HHAT: variants seen among roughly 807,000 people sequenced by gnomAD.
The protein encoded by HHAT is hedgehog acyltransferase.
A neutral mutation model predicts 70.8 loss-of-function variants in HHAT; 47 were observed. The ratio of observed to expected loss-of-function variants is 0.66; its 90% CI spans 0.53 to 0.85. The LOEUF (loss-of-function observed/expected upper bound fraction) is 0.85. HHAT is among the 40% of genes least tolerant of loss of function. The probability of loss-of-function intolerance (pLI) is 0.00; values close to 1 mark genes in which losing one functional copy is unlikely to be tolerated. For missense variants in HHAT, 609 were observed against 604.8 expected, an observed-to-expected ratio of 1.01 and a Z score of -0.07; for synonymous variants, 228 against 247.6, an observed-to-expected ratio of 0.92 and a Z score of 0.74.
chr1:210,420,769 C>G (rs2092879007), intron 7 of HHAT, among the ~76,000 whole-genome samples: 1 of 151,718 alleles, frequency 6.6e-6, no homozygotes, highest in African/African-American at 2.4e-5. Context: ...CAAAGCCATA[C>G]TTTACCTTGA....
intron 3 of HHAT, among the ~76,000 whole-genome samples, chr1:210,367,393 G>A (rs565266985): frequency 6.6e-6 from 1 of 152,286 alleles, no homozygotes; most frequent in South Asian, 2.1e-4. Flanking sequence ...CGTGCCTCTA[G>A]ATAGCCATGT....
At chr1:210,343,479 G>A (rs990724525) in intron 1 of HHAT, among the ~76,000 whole-genome samples, 18 of 152,196 alleles carry the variant, frequency 1.2e-4, no homozygotes, top group Admixed American at 1.2e-3. Flanking sequence ...CTACAGGCAA[G>A]AGTTGAAAAG....
At chr1:210,531,567 T>C (rs1441019831) in intron 9 of HHAT, among the ~76,000 whole-genome samples, 1 of 152,222 alleles carries the variant, frequency 6.6e-6, no homozygotes, top group East Asian at 1.9e-4. Flanking sequence ...TACTGCATAC[T>C]AAGTCTGAGC....
At chr1:210,458,601 A>C (rs2093918010) in intron 7 of HHAT, among the ~76,000 whole-genome samples, 1 of 152,118 alleles carries the variant, frequency 6.6e-6, no homozygotes, top group Non-Finnish European at 1.5e-5. Flanking sequence ...AAAATGGAGG[A>C]AGGGGACCTC....
intron 6 of HHAT, among the ~76,000 whole-genome samples, chr1:210,415,721 C>T (rs1454477105): frequency 1.3e-5 from 2 of 151,930 alleles, no homozygotes; most frequent in South Asian, 2.1e-4. Flanking sequence ...CGCAGTGGTA[C>T]AGTCTCAGCT....
chr1:210,576,351 T>G (rs999977928), intron 9 of HHAT, among the ~76,000 whole-genome samples: 3 of 152,060 alleles, frequency 2.0e-5, no homozygotes, highest in Non-Finnish European at 4.4e-5. Flanking sequence ...TTTGGACATA[T>G]GCATGCACCC....
chr1:210,517,516 C>T (rs1245687568), intron 9 of HHAT, among the ~76,000 whole-genome samples: 1 of 152,100 alleles, frequency 6.6e-6, no homozygotes, highest in Non-Finnish European at 1.5e-5. Flanking sequence ...AAATTGAACT[C>T]ATGGAAACAG....
chr1:210,395,171 G>C (rs75164960), intron 4 of HHAT, among the ~76,000 whole-genome samples: 1 of 152,080 alleles, frequency 6.6e-6, no homozygotes, highest in Non-Finnish European at 1.5e-5. Flanking sequence ...AGGCAGGGAC[G>C]TCTGATAATG....
intron 10 of HHAT, among the ~76,000 whole-genome samples, chr1:210,594,699 T>C (rs1235215332): frequency 2.6e-5 from 4 of 152,230 alleles, no homozygotes; most frequent in South Asian, 2.1e-4. Flanking sequence ...TTCTTTCAGA[T>C]TGAAGAACTG....
intron 11 of HHAT, among the ~76,000 whole-genome samples, chr1:210,652,606 GCCCTCCAAGGGGGCTGCAGAACA>G (rs988986801): frequency 2.0e-5 from 3 of 152,212 alleles, no homozygotes; most frequent in Admixed American, 6.5e-5. Context: ...CCTTGCCTGT[GCCCTCCAAGGGGGCTGCAGAACA>G]CCCTTCAGGC....
At chr1:210,331,431 T>A (rs2084976449) in intron 1 of HHAT, among the ~76,000 whole-genome samples, 1 of 152,216 alleles carries the variant, frequency 6.6e-6, no homozygotes, top group African/African-American at 2.4e-5. Flanking sequence ...GCCTTGACTT[T>A]AATCCAGAAT....
intron 11 of HHAT, among the ~76,000 whole-genome samples, chr1:210,651,913 G>A (rs575810834): frequency 2.7e-4 from 41 of 152,206 alleles, no homozygotes; most frequent in Admixed American, 1.2e-3. Flanking sequence ...CTGGAGGTGG[G>A]GGCCCACAGG....
At chr1:210,645,307 T>C (rs2148921334) in intron 11 of HHAT, among the ~76,000 whole-genome samples, 1 of 152,274 alleles carries the variant, frequency 6.6e-6, no homozygotes, top group East Asian at 1.9e-4. Context: ...AGACGGAGTC[T>C]CTCTCTGTCG....
chr1:210,459,106 C>T (rs893677268), intron 7 of HHAT, among the ~76,000 whole-genome samples: 2 of 152,132 alleles, frequency 1.3e-5, no homozygotes, highest in Non-Finnish European at 1.5e-5. Context: ...CGTTGTTAGG[C>T]AGAATTAACT....
intron 9 of HHAT, among the ~76,000 whole-genome samples, chr1:210,555,076 C>T (rs750637642): frequency 8.5e-5 from 13 of 152,054 alleles, no homozygotes; most frequent in Non-Finnish European, 1.8e-4. Flanking sequence ...TATTTCACAC[C>T]CAGGGACTTG....
At chr1:210,561,500 G>C (rs1374626524) in intron 9 of HHAT, among the ~76,000 whole-genome samples, 1 of 152,090 alleles carries the variant, frequency 6.6e-6, no homozygotes, top group Non-Finnish European at 1.5e-5. Context: ...TCATATCATA[G>C]GTTTACGTGT....
At chr1:210,399,104 C>T (rs1387243226) in intron 4 of HHAT, among the ~76,000 whole-genome samples, 4 of 152,200 alleles carry the variant, frequency 2.6e-5, no homozygotes, top group Non-Finnish European at 5.9e-5. Context: ...GACCTAAGTT[C>T]AGGCACTTAT....
At chr1:210,586,945 T>G (rs1407219748) in intron 9 of HHAT, among the ~76,000 whole-genome samples, 1 of 152,218 alleles carries the variant, frequency 6.6e-6, no homozygotes, top group Non-Finnish European at 1.5e-5. Flanking sequence ...TGTCTGGTAC[T>G]TTGGCTGCCC....
At chr1:210,397,892 G>A (rs2091880133) in intron 4 of HHAT, among the ~76,000 whole-genome samples, 1 of 152,220 alleles carries the variant, frequency 6.6e-6, no homozygotes, top group Admixed American at 6.5e-5. Flanking sequence ...TTGGGCAGCT[G>A]TGCCCTAAGG....
Sources: gnomAD v4.1 joint callset for allele counts (sites outside exome capture counted in the v4.1 genomes callset) on GRCh38, gnomAD v4.1.1 for gene constraint, MANE v1.5 for transcripts, NCBI Gene and HGNC (gene_info 2026-07-23, HGNC 2026-07-21) for gene names.